EYS: variants seen among roughly 807,000 people sequenced by gnomAD.
EYS encodes the protein protein eyes shut homolog.
A neutral mutation model predicts 282.1 loss-of-function variants in EYS; 250 were observed. That is an observed-to-expected ratio of 0.89 (90% confidence interval 0.80 to 0.98). The LOEUF is 0.98. Ranked by LOEUF, EYS falls within the 50% of genes least tolerant of loss-of-function variation. The pLI is 0.00. For missense variants in EYS, 4,016 were observed against 3,709.0 expected, an observed-to-expected ratio of 1.08 and a Z score of -2.15; for synonymous variants, 1,355 against 1,282.9, an observed-to-expected ratio of 1.06 and a Z score of -1.20.
chr6:65,056,315 T>C (rs1773412236), intron 13 of EYS, among the ~76,000 whole-genome samples: 1 of 152,070 alleles, frequency 6.6e-6, no homozygotes. Flanking sequence ...TCTAAGGAGA[T>C]TTGATTTTTT....
intron 33 of EYS, among the ~76,000 whole-genome samples, chr6:64,029,739 C>T (rs1769728297): frequency 6.6e-6 from 1 of 152,212 alleles, no homozygotes; most frequent in East Asian, 1.9e-4. Context: ...TGTCACCATA[C>T]TTGAAAGTAA....
chr6:63,836,733 T>C (rs914144710), intron 36 of EYS, among the ~76,000 whole-genome samples: 1 of 152,208 alleles, frequency 6.6e-6, no homozygotes, highest in Non-Finnish European at 1.5e-5. Flanking sequence ...CAAATAGTTA[T>C]TGAAGGACTG....
At chr6:63,998,927 G>A (rs1454186178) in intron 34 of EYS, 148 bp downstream of exon 34, 2 of 571,986 alleles carry the variant, frequency 3.5e-6, no homozygotes, top group Non-Finnish European at 6.3e-6. Context: ...CCTAAAGCAT[G>A]AGTTGAATTT....
At chr6:64,391,676 A>C (rs1297930256) in intron 28 of EYS, among the ~76,000 whole-genome samples, 1 of 152,176 alleles carries the variant, frequency 6.6e-6, no homozygotes, top group Non-Finnish European at 1.5e-5. Flanking sequence ...AAATCATGCC[A>C]AAATGTAAAG....
chr6:64,620,095 C>A (rs575761963), intron 23 of EYS, among the ~76,000 whole-genome samples: 1 of 151,972 alleles, frequency 6.6e-6, no homozygotes, highest in African/African-American at 2.4e-5. Flanking sequence ...TTAAGCAAAA[C>A]GGACCTGAAT....
chr6:63,878,954 T>G (rs1773055263), intron 35 of EYS, among the ~76,000 whole-genome samples: 1 of 152,014 alleles, frequency 6.6e-6, no homozygotes. Flanking sequence ...CCCTGCTCCA[T>G]GGGCTGTACC....
At chr6:63,988,950 G>A (rs1767491387) in intron 34 of EYS, among the ~76,000 whole-genome samples, 1 of 151,612 alleles carries the variant, frequency 6.6e-6, no homozygotes, top group Admixed American at 6.6e-5. Context: ...AGGGGAGAGG[G>A]TAGATAAGAA....
chr6:65,009,441 C>T lies in EYS; in HGVS notation c.2138-11738G>A, dbSNP rs368735006. On this transcript the variant is annotated intron_variant, in intron 13 of 42. Coordinates refer to ENST00000503581, the MANE Select transcript of EYS (RefSeq NM_001142800.2). ...CCTTATACTCTGCTTTCCCAAATAC[C>T]GGAGGAAGCAGAGTGGTTTACAGTC... Among the ~76,000 whole-genome samples, 35 of 152,194 alleles carry T rather than the reference C, an allele frequency of 2.3e-4. No homozygotes were observed. In the East Asian group the frequency reaches 3.1e-3, roughly 13 times the overall value.
chr6:65,680,819 A>G (rs1768787325), intron 1 of EYS, among the ~76,000 whole-genome samples: 1 of 151,902 alleles, frequency 6.6e-6, no homozygotes, highest in Admixed American at 6.6e-5. Context: ...GGCTAACTCA[A>G]TTCAATTCAA....
chr6:64,911,598 G>T (rs1279360303), intron 16 of EYS, among the ~76,000 whole-genome samples: 1 of 152,142 alleles, frequency 6.6e-6, no homozygotes, highest in South Asian at 2.1e-4. Flanking sequence ...TTAAGGGCCA[G>T]TGAGAGGCAG....
At chr6:65,560,994 A>G (rs1313097134) in intron 2 of EYS, among the ~76,000 whole-genome samples, 1 of 151,734 alleles carries the variant, frequency 6.6e-6, no homozygotes, top group East Asian at 1.9e-4. Context: ...TCTTATTTTG[A>G]TTGTTGCTAC....
chr6:65,206,159 C>G (rs523536), intron 12 of EYS, among the ~76,000 whole-genome samples: 137,286 of 151,744 alleles, frequency 0.9, 62,684 homozygotes, highest in African/African-American at 0.98. Flanking sequence ...CAAAAAAAGA[C>G]AGAAGACTCA....
intron 5 of EYS, among the ~76,000 whole-genome samples, chr6:65,435,986 A>C (rs2150388107): frequency 6.6e-6 from 1 of 152,316 alleles, no homozygotes; most frequent in Non-Finnish European, 1.5e-5. Flanking sequence ...GGAAATGTGA[A>C]AATATTAAAT....
chr6:65,180,737 C>T (rs1765357482), intron 12 of EYS, among the ~76,000 whole-genome samples: 3 of 152,094 alleles, frequency 2.0e-5, no homozygotes, highest in African/African-American at 7.2e-5. Flanking sequence ...AAAAAAGAGC[C>T]TGCATTGCCA....
At chr6:65,018,593 C>T (rs1410141562) in intron 13 of EYS, among the ~76,000 whole-genome samples, 4 of 152,072 alleles carry the variant, frequency 2.6e-5, no homozygotes, top group Non-Finnish European at 4.4e-5. Context: ...ATTAGGACAA[C>T]AATATAATTT....
At chr6:65,337,839 C>T (rs1770046348) in intron 10 of EYS, among the ~76,000 whole-genome samples, 1 of 150,586 alleles carries the variant, frequency 6.6e-6, no homozygotes, top group African/African-American at 2.4e-5. Flanking sequence ...ATATTTATTA[C>T]AAAATAATAC....
intron 33 of EYS, among the ~76,000 whole-genome samples, chr6:64,063,876 C>A (rs1771269013): frequency 6.6e-6 from 1 of 151,966 alleles, no homozygotes; most frequent in Non-Finnish European, 1.5e-5. Flanking sequence ...ATTACAGGCA[C>A]GTGCCACCAT....
At chr6:65,269,948 G>T (rs1204228069) in intron 12 of EYS, among the ~76,000 whole-genome samples, 1 of 152,074 alleles carries the variant, frequency 6.6e-6, no homozygotes, top group Non-Finnish European at 1.5e-5. Context: ...CCAAATTCAT[G>T]TCATTCTCAC....
chr6:65,587,358 GA>G (rs1562273849), intron 2 of EYS, among the ~76,000 whole-genome samples: 2 of 152,070 alleles, frequency 1.3e-5, no homozygotes, highest in Non-Finnish European at 2.9e-5. Flanking sequence ...CAGGTATCGT[GA>G]GAGGGACCCC....
Sources: gnomAD v4.1 joint callset for allele counts (sites outside exome capture counted in the v4.1 genomes callset) on GRCh38, gnomAD v4.1.1 for gene constraint, MANE v1.5 for transcripts, NCBI Gene and HGNC (gene_info 2026-07-23, HGNC 2026-07-21) for gene names.